The following SMS variants were observed in gnomAD, a reference collection of about 807,000 sequenced individuals.
SMS encodes the protein spermidine aminopropyltransferase.
SMS carries 3 observed loss-of-function variants against 33.0 expected under a neutral mutation model. That is an observed-to-expected ratio of 0.09 (90% CI 0.04 to 0.23). SMS has a LOEUF of 0.23. SMS is among the 10% of genes least tolerant of loss of function. SMS has a pLI of 1.00. For missense variants in SMS, 117 were observed against 288.6 expected (o/e 0.41, Z 4.31); for synonymous variants, 103 against 112.2 (o/e 0.92, Z 0.52).
chrX:21,981,584 A>G (rs1011661283), intron 7 of SMS, among the ~76,000 whole-genome samples: 16 of 112,119 alleles, frequency 1.4e-4, no homozygotes, highest in African/African-American at 4.2e-4. Context: ...AGGAACTTGA[A>G]CAGGTCTGAG....
At chrX:21,945,804 T>C (rs1471828953) in intron 1 of SMS, among the ~76,000 whole-genome samples, 2 of 110,384 alleles carry the variant, frequency 1.8e-5, no homozygotes, top group Non-Finnish European at 3.8e-5. Context: ...TTTGTATTTT[T>C]GGTAGAGATG....
chrX:21,978,426 T>C (rs1215297928), intron 6 of SMS, among the ~76,000 whole-genome samples: 5 of 111,110 alleles, frequency 4.5e-5, no homozygotes, highest in Non-Finnish European at 9.4e-5. Flanking sequence ...ATTACAAAAA[T>C]TAGCCAGGCA....
At chrX:21,954,816 A>G (rs1292070995) in intron 1 of SMS, among the ~76,000 whole-genome samples, 1 of 111,969 alleles carries the variant, frequency 8.9e-6, no homozygotes, top group Non-Finnish European at 1.9e-5. Flanking sequence ...ACAGCCTGGC[A>G]TAGATGCTCA....
chrX:21,985,115 T>C, intron 8 of SMS, 29 bp from the exon 9 acceptor site: 1 of 974,986 alleles, frequency 1.0e-6, no homozygotes, highest in Non-Finnish European at 1.5e-6. Flanking sequence ...AAACCCATAT[T>C]TATGAAACTT....
chrX:21,958,780 G>A (rs909349500), intron 1 of SMS, among the ~76,000 whole-genome samples: 44 of 112,765 alleles, frequency 3.9e-4, no homozygotes, highest in African/African-American at 1.2e-3. Flanking sequence ...GGGTTCAAGC[G>A]ATTTTCCTGC....
rs941666702 is a variant in SMS at position 21,983,358 on chromosome X, C to T, written c.751-946C>T. On this transcript the variant is annotated intron_variant, in intron 7 of 10. Transcript: ENST00000404933. ...CCCCAGCCTGGCAAACTCTTAAACT[C>T]TTGGTTTCTGACTATTATATTTAAT... 6.4e-5 allele frequency among the ~76,000 whole-genome samples: 7 copies of T among 109,566 alleles called. No individual in the cohort carries two copies. The Admixed American group carries it at 7.0e-4, about 11-fold the overall frequency.
At chrX:21,966,133 T>TAA (rs1923706536) in intron 1 of SMS, among the ~76,000 whole-genome samples, 1 of 112,361 alleles carries the variant, frequency 8.9e-6, no homozygotes. Flanking sequence ...GTTTCGGCAC[T>TAA]ACTTAGTTTA....
At chrX:21,940,996 C>G (rs1921716336) in intron 1 of SMS, 123 bp downstream of exon 1, 2 of 216,601 alleles carry the variant, frequency 9.2e-6, no homozygotes, top group South Asian at 2.1e-4. Context: ...CGCGCGGCGC[C>G]GCACTCTCCC....
At chrX:21,944,466 G>C (rs774810357) in intron 1 of SMS, among the ~76,000 whole-genome samples, 57 of 96,554 alleles carry the variant, frequency 5.9e-4, no homozygotes, top group Non-Finnish European at 1.1e-3. Flanking sequence ...GAGGCGAAGC[G>C]CTTGAGCCCA....
chrX:21,956,627 G>A (rs1386499935), intron 1 of SMS, among the ~76,000 whole-genome samples: 1 of 110,723 alleles, frequency 9.0e-6, no homozygotes. Context: ...GCGCCACCAC[G>A]CCCGGCTAAT....
At chrX:21,968,081 G>A (rs1923870525) in intron 2 of SMS, among the ~76,000 whole-genome samples, 1 of 112,273 alleles carries the variant, frequency 8.9e-6, no homozygotes, top group Non-Finnish European at 1.9e-5. Context: ...GCATGCCGAG[G>A]CCTTCTCGCT....
intron 1 of SMS, among the ~76,000 whole-genome samples, chrX:21,954,939 G>T (rs1200333861): frequency 1.8e-5 from 2 of 110,345 alleles, no homozygotes; most frequent in Non-Finnish European, 3.8e-5. Context: ...TGGGTTCAAG[G>T]GATTCCCTTG....
chrX:21,947,596 T>A (rs1922326018), intron 1 of SMS, among the ~76,000 whole-genome samples: 1 of 111,721 alleles, frequency 9.0e-6, no homozygotes, highest in Non-Finnish European at 1.9e-5. Flanking sequence ...TTGTTGCTCA[T>A]CACCTGTTCC....
chrX:21,941,821 GTTGCAGTGAGCCAAGATCGCGCCA>G (rs1446391470), intron 1 of SMS, among the ~76,000 whole-genome samples: 1 of 99,429 alleles, frequency 1.0e-5, no homozygotes, highest in Non-Finnish European at 2.0e-5. Context: ...GGAGGCGGAG[GTTGCAGTGAGCCAAGATCGCGCCA>G]TTGCACTCCA....
intron 7 of SMS, among the ~76,000 whole-genome samples, chrX:21,982,278 C>T (rs749407463): frequency 1.6e-3 from 164 of 103,017 alleles, no homozygotes; most frequent in Non-Finnish European, 2.4e-3. Context: ...GCAGAGCTTG[C>T]AGTGAGCCCA....
chrX:21,946,551 G>A (rs1285469223), intron 1 of SMS, among the ~76,000 whole-genome samples: 2 of 111,764 alleles, frequency 1.8e-5, no homozygotes, highest in Non-Finnish European at 3.8e-5. Context: ...TCAAAGCCAT[G>A]TTTGTTTGAT....
chrX:21,977,026 T>C (rs778135984), intron 4 of SMS, 35 bp from the exon 5 acceptor site: 3 of 1,176,912 alleles, frequency 2.5e-6, no homozygotes, highest in Non-Finnish European at 3.5e-6. Context: ...GGCAGTGTTC[T>C]AGTAAGGTAC....
chrX:21,994,119 A>G (rs1280815723), intron 10 of SMS, among the ~76,000 whole-genome samples, 193 bp from the exon 11 acceptor site: 1 of 111,533 alleles, frequency 9.0e-6, no homozygotes, highest in Non-Finnish European at 1.9e-5. Context: ...TACCTCCTTC[A>G]GACCTCCCAG....
intron 1 of SMS, among the ~76,000 whole-genome samples, chrX:21,965,502 G>A (rs1923639702): frequency 9.4e-6 from 1 of 106,755 alleles, no homozygotes; most frequent in Admixed American, 1.0e-4. Context: ...AGTTGGACAT[G>A]GGCCGGGCGC....
Sources: allele counts gnomAD v4.1 joint callset (sites outside exome capture counted in the v4.1 genomes callset), GRCh38; gene constraint gnomAD v4.1.1; transcripts MANE v1.5; gene names NCBI Gene and HGNC (gene_info 2026-07-23, HGNC 2026-07-21).